Variants in ZNF541 observed in about 807,000 individuals in gnomAD.
The protein encoded by ZNF541 is zinc finger protein 541.
ZNF541 carries 23 observed loss-of-function variants against 123.5 expected under a neutral mutation model. That is an observed-to-expected ratio of 0.19 (90% CI 0.13 to 0.26). The LOEUF is 0.26. Among genes scored for constraint, ZNF541 ranks in the 10% least tolerant of loss-of-function variants. ZNF541 has a pLI of 1.00. For synonymous variants in ZNF541, 751 were observed against 754.5 expected (o/e 1.00, Z 0.08); for missense variants, 1,612 against 1,789.9 (o/e 0.90, Z 1.79).
At chr19:47,558,680 G>A (rs1017119520) in intron 2 of ZNF541, among the ~76,000 whole-genome samples, 50 of 149,230 alleles carry the variant, frequency 3.4e-4, no homozygotes, top group African/African-American at 1.2e-3. Context: ...TGCATCCTCC[G>A]CCTCCCGGGT....
At chr19:47,522,127 AC>A in intron 14 of ZNF541, 133 bp from the exon 15 acceptor site, 2 of 1,206,994 alleles carry the variant, frequency 1.7e-6, no homozygotes, top group African/African-American at 1.5e-5. Context: ...GTTACCACTC[AC>A]CACAAAGGCA....
intron 3 of ZNF541, among the ~76,000 whole-genome samples, chr19:47,551,577 C>T (rs764367228): frequency 2.6e-5 from 4 of 151,926 alleles, no homozygotes; most frequent in Non-Finnish European, 5.9e-5. Flanking sequence ...CTTATTCTGT[C>T]ACCCAGGCTA....
rs1349476470 is a variant in ZNF541, at chr19:47,521,659, A to G, written c.3712-5T>C. 6.4e-7 allele frequency: 1 copy of G among 1,551,406 alleles called. No homozygotes were observed. The highest frequency in any genetic ancestry group is 1.4e-5 in the African/African-American group (1 of 73,032). On this transcript the variant is annotated splice_polypyrimidine_tract_variant and splice_region_variant and intron_variant, in intron 15 of 16. Coordinates refer to ENST00000391901, the MANE Select transcript of ZNF541 (RefSeq NM_001277075.3). The surrounding 1 kb of genome is among the most constrained non-coding windows in gnomAD (Gnocchi z 4.2). ...CTCCCGAGGGCTGCATGGGACCTGCAGAGGGAGCAAAAGTGACATAAGGGT... is the reference window on the plus strand; with the variant it reads ...CTCCCGAGGGCTGCATGGGACCTGCGGAGGGAGCAAAAGTGACATAAGGGT...
rs78385041 is a variant in ZNF541, at chr19:47,563,741, G to A, written c.-98-7787C>T. On this transcript the variant is annotated intron_variant, in intron 2 of 16. Transcript: ENST00000391901. ...CTTGTCTCAGCCTCCCAGTACCTGG[G>A]ATTACAGGCACTCACCACCACGCCT... Among the ~76,000 whole-genome samples the A allele has an allele frequency of 3.1e-3, 478 of 152,160 alleles. 1 individual carries two copies. Among genetic ancestry groups the A allele is most frequent in the African/African-American group, 0.011 (449 of 41,520 alleles).
chr19:47,567,999 C>T (rs900032765), intron 2 of ZNF541, among the ~76,000 whole-genome samples: 1 of 152,150 alleles, frequency 6.6e-6, no homozygotes, highest in African/African-American at 2.4e-5. Context: ...TAAAGTTCTC[C>T]CATTTTCTCC....
Position 47,538,390 on chromosome 19 carries a change from T to C in ZNF541, c.2846A>G (p.Gln949Arg). 3 of 1,543,776 alleles carry C rather than the reference T, an allele frequency of 1.9e-6. No individual in the cohort carries two copies. Among genetic ancestry groups the C allele is most frequent in the Non-Finnish European group, 2.6e-6 (3 of 1,142,934 alleles). Residue 949 changes from glutamine to arginine, a missense_variant, in exon 9 of 17, where the codon CAG (glutamine) becomes CGG (arginine). By Grantham distance (43) the Gln-to-Arg change is conservative. This residue lies in a region of ZNF541 where 1,080 missense variants were observed against 1,013.8 expected (regional missense o/e 1.07). Transcript: ENST00000391901. ...EERDSKESSQ[Q>R]RKRKKRPPPS... Reference sequence around the variant, plus strand: ...TGGGGGCCGCTTCTTCCGCTTTCTCTGCTGGCTGCTCTCCTTGCTGTCTCG... The same window carrying C: ...TGGGGGCCGCTTCTTCCGCTTTCTCCGCTGGCTGCTCTCCTTGCTGTCTCG...
intron 14 of ZNF541, among the ~76,000 whole-genome samples, chr19:47,524,750 T>C (rs967756130): frequency 5.3e-5 from 8 of 150,824 alleles, no homozygotes; most frequent in South Asian, 4.2e-4. Flanking sequence ...CTAGGTGTGA[T>C]TGCACACACC....
chr19:47,542,923 G>A (rs939741171), intron 5 of ZNF541, among the ~76,000 whole-genome samples: 8 of 151,978 alleles, frequency 5.3e-5, no homozygotes, highest in African/African-American at 1.9e-4. Flanking sequence ...CAGCCTGGGC[G>A]ACAGAGTGAG....
intron 14 of ZNF541, among the ~76,000 whole-genome samples, chr19:47,523,698 C>T (rs1330212710): frequency 2.0e-5 from 3 of 152,160 alleles, no homozygotes; most frequent in East Asian, 3.8e-4. Context: ...AAGCTGCCAC[C>T]GCTCCAGCTT....
intron 2 of ZNF541, among the ~76,000 whole-genome samples, chr19:47,570,081 T>C (rs1325970773): frequency 1.3e-5 from 2 of 150,498 alleles, no homozygotes; most frequent in Non-Finnish European, 3.0e-5. Flanking sequence ...GAGACCATCC[T>C]GGCTAACACG....
At chr19:47,551,825 A>T (rs145745050) in intron 3 of ZNF541, among the ~76,000 whole-genome samples, 1 of 150,638 alleles carries the variant, frequency 6.6e-6, no homozygotes, top group Non-Finnish European at 1.5e-5. Flanking sequence ...TGAACCATAC[A>T]TAGCACCTGG....
chr19:47,521,269 T>C lies in ZNF541; in HGVS notation c.3996A>G (p.Leu1332=). The C allele has an allele frequency of 6.4e-7, 1 of 1,551,736 alleles. No homozygotes were observed. Reference sequence around the variant, plus strand: ...TGTCAGCTCCCAGCTCCTCTTCCTTTAGCTGGAAGGGCTTCACTGGCCACT... The same window carrying C: ...TGTCAGCTCCCAGCTCCTCTTCCTTCAGCTGGAAGGGCTTCACTGGCCACT... ...RVKWPVKPFQ[L]KEEELGADIG... Residue 1332 remains leucine, a synonymous_variant, in exon 17 of 17, where the codon CTA becomes CTG. Coordinates refer to ENST00000391901, the MANE Select transcript of ZNF541 (RefSeq NM_001277075.3). The surrounding 1 kb of genome is among the most constrained non-coding windows in gnomAD (Gnocchi z 4.2).
At chr19:47,552,478 C>T (rs952285947) in intron 3 of ZNF541, among the ~76,000 whole-genome samples, 2 of 151,932 alleles carry the variant, frequency 1.3e-5, no homozygotes, top group African/African-American at 4.8e-5. Flanking sequence ...AAGGAAAAAC[C>T]GGGCTCCCTC....
intron 3 of ZNF541, among the ~76,000 whole-genome samples, chr19:47,550,396 G>A (rs1316637010): frequency 6.7e-6 from 1 of 149,752 alleles, no homozygotes; most frequent in East Asian, 2.0e-4. Flanking sequence ...GATAAGGAGA[G>A]AAGCAAAGAA....
chr19:47,541,097 A>G, intron 5 of ZNF541, 146 bp from the exon 6 acceptor site: 1 of 680,012 alleles, frequency 1.5e-6, no homozygotes, highest in African/African-American at 1.8e-5. Context: ...CACCAAAGCA[A>G]AACAGACAAA....
rs1568507220 is a variant in ZNF541, at chr19:47,549,392, G to C, written c.401C>G (p.Ser134Cys). The change falls in exon 4 of 17, where the codon TCC (serine) becomes TGC (cysteine). Residue 134 changes from serine to cysteine, a missense_variant. Ser to Cys is a moderately radical substitution (Grantham distance 112). Coordinates refer to ENST00000391901, the MANE Select transcript of ZNF541 (RefSeq NM_001277075.3). ...GCAGTCCAGAAGTGGGTTTTGAGGG[G>C]AACTGTGCTGCCGCTTTCCTTTCCT... ...SARKGKRQHS[S>C]PQNPLLDCSL... 6.4e-7 allele frequency: 1 copy of C among 1,551,716 alleles called. No homozygotes were observed. The highest frequency in any genetic ancestry group is 8.7e-7 in the Non-Finnish European group (1 of 1,147,012).
chr19:47,548,037 CAAA>C (rs762537736), intron 4 of ZNF541, among the ~76,000 whole-genome samples: 1 of 52,610 alleles, frequency 1.9e-5, no homozygotes. Context: ...CAAGACTGTC[CAAA>C]AAAAAAAAAA....
At chr19:47,527,364 C>T (rs1322405672) in intron 14 of ZNF541, among the ~76,000 whole-genome samples, 1 of 152,042 alleles carries the variant, frequency 6.6e-6, no homozygotes, top group Admixed American at 6.6e-5. Context: ...AGAAAATAAG[C>T]AGCAGGACAT....
chr19:47,530,046 A>C (rs763653258), intron 12 of ZNF541, among the ~76,000 whole-genome samples: 2 of 152,154 alleles, frequency 1.3e-5, no homozygotes, highest in Non-Finnish European at 2.9e-5. Flanking sequence ...TTTATTTTTA[A>C]AGATGAGGTC....
Sources: gnomAD v4.1 joint callset for allele counts (sites outside exome capture counted in the v4.1 genomes callset) on GRCh38, gnomAD v4.1.1 for gene constraint, gnomAD v4.1.1 regional missense constraint, Gnocchi (gnomAD v3.1) non-coding constraint, MANE v1.5 for transcripts, NCBI Gene and HGNC (gene_info 2026-07-23, HGNC 2026-07-21) for gene names.